RPN1: variants seen among roughly 807,000 people sequenced by gnomAD.
The protein encoded by RPN1 is dolichyl-diphosphooligosaccharide--protein glycosyltransferase subunit 1.
Under a neutral mutation model 55.5 loss-of-function variants are expected in RPN1, and 12 were observed. The observed-to-expected ratio is 0.22, with a 90% CI of 0.14 to 0.35. The LOEUF is 0.35. Ranked by LOEUF, RPN1 falls within the 10% of genes least tolerant of loss-of-function variation. RPN1 has a pLI of 1.00. For missense variants in RPN1, 679 were observed against 761.3 expected (o/e 0.89, Z 1.27); for synonymous variants, 317 against 305.9 (o/e 1.04, Z -0.38).
At chr3:128,644,534 C>G in intron 2 of RPN1, 1 of 428,068 alleles carries the variant, frequency 2.3e-6, no homozygotes, top group Non-Finnish European at 4.5e-6. Context: ...GTGGTACATA[C>G]CTCTAGTCCC....
chr3:128,626,037 T>C (rs2069597495), intron 6 of RPN1, 25 bp from the exon 7 acceptor site: 4 of 1,581,722 alleles, frequency 2.5e-6, no homozygotes, highest in Non-Finnish European at 2.6e-6. Flanking sequence ...GAATAAAATA[T>C]AGCCTCCAAC....
At chr3:128,639,732 C>T (rs557847360) in intron 2 of RPN1, among the ~76,000 whole-genome samples, 2 of 151,880 alleles carry the variant, frequency 1.3e-5, no homozygotes, top group Admixed American at 6.6e-5. Flanking sequence ...GGATTACAGG[C>T]GTCCGCCACC....
intron 6 of RPN1, 100 bp downstream of exon 6, chr3:128,626,633 G>A (rs755651361): frequency 1.0e-6 from 1 of 994,020 alleles, no homozygotes; most frequent in Non-Finnish European, 1.6e-6. Flanking sequence ...AGAGAAAAGT[G>A]ACACAAAGAC....
Position 128,631,954 on chromosome 3 carries a change from A to T in RPN1, c.837T>A (p.Ser279=). The change falls in exon 4 of 10, where the codon TCT becomes TCA. Residue 279 remains serine (S), a synonymous_variant. Transcript: ENST00000296255. ...CAAGTTGAACATTCCATACCTTAAA[A>T]GAACGGATGGAGGATATTCCACTAT... ...QPDSGISSIR[S]FKTILPAAAQ... is the part of the protein sequence containing the mutation. The T allele has an allele frequency of 6.2e-7, 1 of 1,614,126 alleles. No individual in the cohort carries two copies. Among genetic ancestry groups the T allele is most frequent in the South Asian group, 1.1e-5 (1 of 91,086 alleles).
In RPN1 at chr3:128,646,915, G is replaced by A. The variant is rs535615031; in HGVS notation, c.262-1932C>T. On this transcript the variant is annotated intron_variant, in intron 1 of 9. Transcript: ENST00000296255. ...TTGAACCTGGGAGGCAGAGGTTGCA[G>A]TGAGCTGAGATCGTGCCACTGCACT... 4.0e-5 allele frequency among the ~76,000 whole-genome samples: 6 copies of A among 151,850 alleles called. No homozygotes were observed. In the East Asian group the frequency reaches 7.7e-4, roughly 20 times the overall value.
At position 128,625,881 on chromosome 3, in the gene RPN1, TC is replaced by T. The variant is rs1373369066; in HGVS notation, c.1267del (p.Asp423ThrfsTer51). Reference protein sequence around the residue: ...KKNLVEQHIQDIVVHYTFNKV... With the variant: ...KKNLVEQHIQXIVVHYTFNKV... ...AACAGTGGAGCCACTCACCACAATG[TC>T]CTGAATGTGCTGTTCTACCAGATTT... On this transcript the variant is annotated frameshift_variant, in exon 7 of 10. Transcript: ENST00000296255. LOFTEE classifies it high-confidence loss of function. The T allele has an allele frequency of 6.2e-7, 1 of 1,611,426 alleles. No homozygotes were observed. The highest frequency in any genetic ancestry group is 1.7e-5 in the Admixed American group (1 of 59,644).
chr3:128,640,890 A>C (rs1336273547), intron 2 of RPN1, among the ~76,000 whole-genome samples: 1 of 152,120 alleles, frequency 6.6e-6, no homozygotes, highest in African/African-American at 2.4e-5. Flanking sequence ...CAACATTCCC[A>C]CATTCATTTT....
chr3:128,624,621 A>G (rs2069586034), intron 8 of RPN1, among the ~76,000 whole-genome samples: 1 of 152,158 alleles, frequency 6.6e-6, no homozygotes, highest in Non-Finnish European at 1.5e-5. Flanking sequence ...CTCCAACTGA[A>G]TGCCCTTCCC....
Position 128,646,972 on chromosome 3 carries a change from C to CA in RPN1, c.262-1990dup, listed in dbSNP as rs111594217. ...TGGGCAACAGAGTGGGACTTCCTCT[C>CA]AAAAAAAAAAAAAAATGGTTAACAG... On this transcript the variant is annotated intron_variant, in intron 1 of 9. Coordinates refer to ENST00000296255, the MANE Select transcript of RPN1 (RefSeq NM_002950.4). 8.4e-3 allele frequency among the ~76,000 whole-genome samples: 1,043 copies of CA among 123,574 alleles called. 11 individuals carry two copies. Among genetic ancestry groups the CA allele is most frequent in the African/African-American group, 0.022 (732 of 33,398 alleles). The allele number at this position is 123,574 out of a possible 152,430, so 81.1% of individuals were successfully genotyped here.
chr3:128,643,376 C>T lies in RPN1; in HGVS notation c.326+1543G>A, dbSNP rs572624990. On this transcript the variant is annotated intron_variant, in intron 2 of 9. Coordinates refer to ENST00000296255, the MANE Select transcript of RPN1 (RefSeq NM_002950.4). ...AGGTAGGATCACACAGTAATTGAAACTATGGGGCCAGGAGTGGTGGCTCAC... is the reference window on the plus strand; with the variant it reads ...AGGTAGGATCACACAGTAATTGAAATTATGGGGCCAGGAGTGGTGGCTCAC... Among the ~76,000 whole-genome samples the T allele has an allele frequency of 3.3e-4, 49 of 147,580 alleles. No individual in the cohort carries two copies. The South Asian group carries it at 4.3e-3, about 13-fold the overall frequency.
intron 2 of RPN1, among the ~76,000 whole-genome samples, chr3:128,643,663 G>A (rs981833915): frequency 6.6e-6 from 1 of 151,936 alleles, no homozygotes; most frequent in Non-Finnish European, 1.5e-5. Context: ...AGGTGTGCTG[G>A]TGCATGCCTG....
rs746424207 is a variant in RPN1 at position 128,650,666 on chromosome 3, G to A, written c.135C>T (p.His45=). ...CCACCTCGGCCGTCACCTTAGCCAG[G>A]TGGCTGCTTAGGTCCACTGTGCGCT... ...DVKRTVDLSS[H]LAKVTAEVVL... is the part of the protein sequence containing the mutation. Residue 45 remains histidine (H), a synonymous_variant, in exon 1 of 10, where the codon CAC becomes CAT. Transcript: ENST00000296255. 4 of 1,569,122 alleles carry A rather than the reference G, an allele frequency of 2.5e-6. No homozygotes were observed. In the African/African-American group the frequency reaches 4.0e-5, roughly 16 times the overall value.
chr3:128,635,610 G>GAGATATATATATATATATATATATATAT (rs759543882), intron 3 of RPN1, among the ~76,000 whole-genome samples: 1 of 59,034 alleles, frequency 1.7e-5, no homozygotes, highest in South Asian at 6.2e-4. Context: ...CCTATAACTT[G>GAGATATATATATATATATATATATATAT]AGATATATAT....
rs773199157 is a variant in RPN1, at chr3:128,637,979, T to C, written c.453A>G (p.Lys151=). 5.6e-6 allele frequency: 9 copies of C among 1,614,152 alleles called. No individual in the cohort carries two copies. The South Asian group carries it at 9.9e-5, about 18-fold the overall frequency. The change falls in exon 3 of 10, where the codon AAA becomes AAG. Residue 151 remains lysine (K), a synonymous_variant. Transcript: ENST00000296255. ...PYPTQITQSE[K]QFVVFEGNHY... is the part of the protein sequence containing the mutation. Reference sequence around the variant, plus strand: ...GGTTCCCCTCAAACACCACAAACTGTTTCTCTGACTGGGTGATCTGGGTTG... The same window carrying C: ...GGTTCCCCTCAAACACCACAAACTGCTTCTCTGACTGGGTGATCTGGGTTG...
Position 128,625,926 on chromosome 3 carries a change from A to G in RPN1, c.1223T>C (p.Val408Ala). 6.2e-7 allele frequency: 1 copy of G among 1,613,988 alleles called. No individual in the cohort carries two copies. The highest frequency in any genetic ancestry group is 8.5e-7 in the Non-Finnish European group (1 of 1,179,926). ...CAGATTTTTCTTGTAGGCAACAATC[A>G]CAGGGCGGCCAAATGTGTCCAGATA... ...YTYLDTFGRP[V>A]IVAYKKNLVE... Residue 408 changes from valine to alanine, a missense_variant, in exon 7 of 10, where the codon GTG (valine) becomes GCG (alanine). Coordinates refer to ENST00000296255, the MANE Select transcript of RPN1 (RefSeq NM_002950.4).
intron 9 of RPN1, among the ~76,000 whole-genome samples, chr3:128,621,670 T>C (rs568230287): frequency 1.2e-4 from 19 of 152,328 alleles, no homozygotes; most frequent in African/African-American, 4.6e-4. Context: ...GACAGGGTTC[T>C]GAATATTTTG....
chr3:128,631,481 GAAA>G (rs200313122), intron 4 of RPN1, among the ~76,000 whole-genome samples: 45 of 123,752 alleles, frequency 3.6e-4, no homozygotes, highest in Non-Finnish European at 4.2e-4. Flanking sequence ...TCCGTCTCAA[GAAA>G]AAAAAAAAAA....
At chr3:128,631,456 C>T (rs1469331334) in intron 4 of RPN1, among the ~76,000 whole-genome samples, 4 of 142,166 alleles carry the variant, frequency 2.8e-5, no homozygotes, top group African/African-American at 1.1e-4. Flanking sequence ...CCAGCCTGGG[C>T]AACAAGAGCA....
chr3:128,633,591 A>C (rs1051693323), intron 3 of RPN1, among the ~76,000 whole-genome samples: 1 of 152,182 alleles, frequency 6.6e-6, no homozygotes, highest in Non-Finnish European at 1.5e-5. Flanking sequence ...ACAAAAATTC[A>C]TAACTTTTGT....
Sources: gnomAD v4.1 joint callset for allele counts (sites outside exome capture counted in the v4.1 genomes callset) on GRCh38, gnomAD v4.1.1 for gene constraint, MANE v1.5 for transcripts, NCBI Gene and HGNC (gene_info 2026-07-23, HGNC 2026-07-21) for gene names.